Variants in TMTC4 observed in about 807,000 individuals in gnomAD.
The protein encoded by TMTC4 is transmembrane O-mannosyltransferase targeting cadherins 4.
Under a neutral mutation model 86.0 loss-of-function variants are expected in TMTC4, and 65 were observed. The observed-to-expected ratio is 0.76, with a 90% confidence interval of 0.62 to 0.93. TMTC4 has a LOEUF of 0.93. Ranked by LOEUF, TMTC4 falls within the 40% of genes least tolerant of loss-of-function variation. The pLI is 0.00. For synonymous variants in TMTC4, 379 were observed against 382.5 expected (o/e 0.99, Z 0.11); for missense variants, 866 against 948.1 (o/e 0.91, Z 1.14).
At chr13:100,641,163 G>T (rs970753371) in intron 7 of TMTC4, among the ~76,000 whole-genome samples, 1 of 152,116 alleles carries the variant, frequency 6.6e-6, no homozygotes, top group African/African-American at 2.4e-5. Flanking sequence ...TTCAAGGCTC[G>T]AAGTTAAAAC....
intron 16 of TMTC4, 144 bp from the exon 17 acceptor site, chr13:100,612,654 T>TACACACACAC (rs60782137): frequency 4.5e-5 from 20 of 449,114 alleles, no homozygotes; most frequent in East Asian, 2.2e-4. Flanking sequence ...GATCATGTAA[T>TACACACACAC]ACACACACAC....
At chr13:100,658,261 G>C (rs917138673) in intron 5 of TMTC4, among the ~76,000 whole-genome samples, 1 of 152,122 alleles carries the variant, frequency 6.6e-6, no homozygotes, top group Non-Finnish European at 1.5e-5. Context: ...GTATGTCTAT[G>C]AACAGGAGTA....
chr13:100,613,452 A>T (rs1347988506), intron 16 of TMTC4, among the ~76,000 whole-genome samples: 1 of 152,218 alleles, frequency 6.6e-6, no homozygotes, highest in East Asian at 1.9e-4. Context: ...CCAGATCTTC[A>T]AGTCGATTAG....
intron 6 of TMTC4, among the ~76,000 whole-genome samples, chr13:100,642,954 G>A (rs1417070015): frequency 2.6e-5 from 4 of 152,122 alleles, no homozygotes; most frequent in Admixed American, 1.3e-4. Flanking sequence ...ATGGGGGCTC[G>A]AGCACCAACA....
In TMTC4 at chr13:100,636,678, C is replaced by A. The variant is rs779949466; in HGVS notation, c.1056G>T (p.Trp352Cys). 19 of 1,614,022 alleles carry A rather than the reference C, an allele frequency of 1.2e-5. No individual in the cohort carries two copies. The highest frequency in any genetic ancestry group is 1.6e-5 in the Non-Finnish European group (19 of 1,180,050). The change falls in exon 10 of 19, where the codon TGG (tryptophan) becomes TGT (cysteine). Residue 352 changes from tryptophan (W) to cysteine (C), a missense_variant. Transcript: ENST00000342624. ...SLNAWLLLCPWWLCFDWSMGC... is the reference protein window; with the variant it reads ...SLNAWLLLCPCWLCFDWSMGC... ...CCATTGACCAATCAAAACACAGCCACCAGGGACACAGCAGCAGCCAGGCAT... is the reference window on the plus strand; with the variant it reads ...CCATTGACCAATCAAAACACAGCCAACAGGGACACAGCAGCAGCCAGGCAT...
chr13:100,623,640 GTTTTGT>G (rs1342092180), intron 15 of TMTC4, among the ~76,000 whole-genome samples: 3 of 96,182 alleles, frequency 3.1e-5, no homozygotes, highest in East Asian at 9.4e-4. Context: ...TACTAGTTGG[GTTTTGT>G]TTTTTTTTTT....
intron 12 of TMTC4, among the ~76,000 whole-genome samples, chr13:100,628,947 G>A (rs1418547642): frequency 6.6e-6 from 1 of 152,074 alleles, no homozygotes; most frequent in Non-Finnish European, 1.5e-5. Flanking sequence ...TCAGGAGTTC[G>A]AGACCAGCGT....
intron 12 of TMTC4, among the ~76,000 whole-genome samples, chr13:100,629,480 G>T: frequency 6.6e-6 from 1 of 152,132 alleles, no homozygotes; most frequent in Non-Finnish European, 1.5e-5. Context: ...GGGCCATTCA[G>T]CGTCTCATCT....
chr13:100,609,342 A>G (rs982791565), intron 17 of TMTC4, among the ~76,000 whole-genome samples: 1 of 152,180 alleles, frequency 6.6e-6, no homozygotes, highest in African/African-American at 2.4e-5. Context: ...CATGTTAAAA[A>G]TCTATTTAAA....
Position 100,625,836 on chromosome 13 carries a change from CTTTCT to C in TMTC4, c.1638_1642del (p.Arg548Ter), listed in dbSNP as rs759377709. ...CTCCTCAGCTTCCTGTAGCTCATTC[CTTTCT>C]TTTAAGATATTTCCAAGATTATTCA... is the stretch of plus-strand genomic sequence containing the variant. On this transcript the variant is annotated frameshift_variant, in exon 14 of 19. Coordinates refer to ENST00000342624, the MANE Select transcript of TMTC4 (RefSeq NM_032813.5). LOFTEE classifies it high-confidence loss of function. The C allele has an allele frequency of 1.1e-5, 17 of 1,613,674 alleles. No homozygotes were observed. Among genetic ancestry groups the C allele is most frequent in the African/African-American group, 1.3e-5 (1 of 74,922 alleles).
At chr13:100,609,054 A>G (rs1877119727) in intron 17 of TMTC4, among the ~76,000 whole-genome samples, 2 of 152,150 alleles carry the variant, frequency 1.3e-5, no homozygotes, top group South Asian at 4.2e-4. Context: ...GAAGGGTAAC[A>G]TGGGAGATCT....
At chr13:100,671,149 T>C (rs534350772) in intron 1 of TMTC4, among the ~76,000 whole-genome samples, 3 of 152,338 alleles carry the variant, frequency 2.0e-5, no homozygotes, top group African/African-American at 4.8e-5. Context: ...ATTGTTTCAA[T>C]AGTGAATTTA....
In TMTC4 at chr13:100,664,267, T is replaced by C; in HGVS notation, c.289A>G (p.Asn97Asp). 6.2e-7 allele frequency: 1 copy of C among 1,612,506 alleles called. No homozygotes were observed. Among genetic ancestry groups the C allele is most frequent in the East Asian group, 2.2e-5 (1 of 44,666 alleles). The change falls in exon 4 of 19, where the codon AAC becomes GAC. Residue 97 changes from asparagine to aspartate, a missense_variant. Asn to Asp is a conservative substitution (Grantham distance 23, BLOSUM62 1). Coordinates refer to ENST00000342624, the MANE Select transcript of TMTC4 (RefSeq NM_032813.5). Reference protein sequence around the residue: ...HDFWGSRLSSNTSHKSYRPLT... With the variant: ...HDFWGSRLSSDTSHKSYRPLT... ...GGCCGGTAGGACTTGTGGCTGGTGT[T>C]GCTGCTCAGTCTACTGCCCCAGAAG...
At chr13:100,653,325 C>T (rs1227611520) in intron 6 of TMTC4, among the ~76,000 whole-genome samples, 1 of 152,146 alleles carries the variant, frequency 6.6e-6, no homozygotes, top group African/African-American at 2.4e-5. Context: ...CTTCACTAGC[C>T]CCGGTTCTGG....
At chr13:100,652,252 G>T (rs1884555429) in intron 6 of TMTC4, among the ~76,000 whole-genome samples, 1 of 152,210 alleles carries the variant, frequency 6.6e-6, no homozygotes, top group Non-Finnish European at 1.5e-5. Context: ...GCCGAGGTGG[G>T]CAGATCACTT....
intron 1 of TMTC4, among the ~76,000 whole-genome samples, chr13:100,672,992 C>A (rs1256341789): frequency 6.6e-6 from 1 of 152,136 alleles, no homozygotes; most frequent in Non-Finnish European, 1.5e-5. Context: ...CTGCTACAGG[C>A]CAAGCAGAGG....
At chr13:100,644,545 A>AGCT (rs1365905291) in intron 6 of TMTC4, among the ~76,000 whole-genome samples, 2 of 152,206 alleles carry the variant, frequency 1.3e-5, no homozygotes, top group Admixed American at 1.3e-4. Context: ...AGCAGCTTGC[A>AGCT]GCTATACAGC....
chr13:100,674,936 C>T (rs1887683373), upstream of TMTC4: 1 of 985,252 alleles, frequency 1.0e-6, no homozygotes, highest in Non-Finnish European at 1.2e-6. Context: ...CCCCTCCGCC[C>T]GACCATTGGC....
rs546228358 is a variant in TMTC4, at chr13:100,670,379, C to A, written c.-17G>T. ...ACACACCATTCCATGGTGATGCTGT[C>A]CCCTTCCAGGGGCCAGAAGGAGGCT... On this transcript the variant is annotated 5_prime_UTR_variant, in exon 2 of 19. Transcript: ENST00000342624. 2.5e-6 allele frequency: 4 copies of A among 1,606,382 alleles called. No homozygotes were observed. The East Asian group carries it at 6.8e-5, about 27-fold the overall frequency.
Sources: allele counts gnomAD v4.1 joint callset (sites outside exome capture counted in the v4.1 genomes callset), GRCh38; gene constraint gnomAD v4.1.1; transcripts MANE v1.5; gene names NCBI Gene and HGNC (gene_info 2026-07-23, HGNC 2026-07-21).